PAXIP1: variants seen among roughly 807,000 people sequenced by gnomAD.
PAXIP1 encodes PAX-interacting protein 1.
PAXIP1 carries 19 observed loss-of-function variants against 140.6 expected under a neutral mutation model. The observed-to-expected ratio is 0.14, with a 90% CI of 0.09 to 0.20. PAXIP1 has a LOEUF of 0.20. Ranked by LOEUF, PAXIP1 falls within the 10% of genes least tolerant of loss-of-function variation. The pLI is 1.00. For missense variants in PAXIP1, 920 were observed against 1,208.6 expected (o/e 0.76, Z 3.54); for synonymous variants, 442 against 444.6 (o/e 0.99, Z 0.07).
intron 8 of PAXIP1, among the ~76,000 whole-genome samples, chr7:154,966,996 TA>T (rs1809054975): frequency 1.3e-5 from 2 of 152,222 alleles, no homozygotes; most frequent in African/African-American, 4.8e-5. Flanking sequence ...CTACTCATCC[TA>T]TAAGCAGTTC....
Position 154,961,650 on chromosome 7 carries a change from TAAGAAAAAAA to T in PAXIP1, c.2128-12_2128-3del. ...AACAAATCCAGTCACAGAAATAATC[TAAGAAAAAAA>T]GAGAAAATAAGGTAAACACAAAATA... On this transcript the variant is annotated splice_polypyrimidine_tract_variant and splice_region_variant and intron_variant, in intron 10 of 20. Coordinates refer to ENST00000404141, the MANE Select transcript of PAXIP1 (RefSeq NM_007349.4). 6.3e-7 allele frequency: 1 copy of T among 1,578,638 alleles called. No individual in the cohort carries two copies. The highest frequency in any genetic ancestry group is 8.6e-7 in the Non-Finnish European group (1 of 1,164,226).
At chr7:154,955,706 G>T in intron 14 of PAXIP1, 75 bp from the exon 15 acceptor site, 4 of 801,274 alleles carry the variant, frequency 5.0e-6, no homozygotes, top group South Asian at 4.2e-5. Flanking sequence ...AGAAAACAAG[G>T]GATTTCATTA....
At chr7:154,962,820 A>G (rs1396487302) in intron 9 of PAXIP1, 1 of 163,776 alleles carries the variant, frequency 6.1e-6, no homozygotes, top group Non-Finnish European at 1.3e-5. Flanking sequence ...TCCACCTAAG[A>G]TGAACCACAG....
chr7:154,980,858 G>A (rs2150771649), intron 5 of PAXIP1, among the ~76,000 whole-genome samples: 1 of 152,298 alleles, frequency 6.6e-6, no homozygotes, highest in East Asian at 1.9e-4. Context: ...AGGGCTGGGA[G>A]TGGTTCTCAC....
At position 154,946,354 on chromosome 7, in the gene PAXIP1, G is replaced by T; in HGVS notation, c.3194+11C>A. 6.2e-7 allele frequency: 1 copy of T among 1,613,780 alleles called. No homozygotes were observed. The highest frequency in any genetic ancestry group is 8.5e-7 in the Non-Finnish European group (1 of 1,179,778). The stretch of plus-strand genomic sequence containing the variant: ...CCCGTCTACTTTTTAATTCTCTTTT[G>T]GAAAGGATATGATTCATAGTCCAGC... On this transcript the variant is annotated intron_variant, in intron 20 of 20. Transcript: ENST00000404141. The surrounding 1 kb of genome is among the most constrained non-coding windows in gnomAD (Gnocchi z 4.9).
intron 13 of PAXIP1, among the ~76,000 whole-genome samples, chr7:154,958,441 T>C (rs1808624352): frequency 6.6e-6 from 1 of 152,238 alleles, no homozygotes; most frequent in Admixed American, 6.5e-5. Flanking sequence ...TTTCTAAATA[T>C]TGCTGCCATA....
intron 20 of PAXIP1, chr7:154,945,595 C>T: frequency 1.0e-6 from 1 of 981,710 alleles, no homozygotes; most frequent in Non-Finnish European, 1.2e-6. Flanking sequence ...TCAGAGGTGG[C>T]AGAGGCTCCC....
chr7:154,987,753 AG>A (rs373446644), intron 4 of PAXIP1, among the ~76,000 whole-genome samples: 79 of 152,310 alleles, frequency 5.2e-4, no homozygotes, highest in African/African-American at 1.9e-3. Flanking sequence ...GATCTGGCAC[AG>A]GGAGGTATAC....
At chr7:154,995,647 C>T (rs306280) in intron 2 of PAXIP1, among the ~76,000 whole-genome samples, 150,801 of 152,320 alleles carry the variant, frequency 0.99, 74,672 homozygotes, top group Middle Eastern at 1. Flanking sequence ...GTGACAGGTT[C>T]GAGACCAGCC....
chr7:154,946,696 C>T lies in PAXIP1; in HGVS notation c.3040G>A (p.Glu1014Lys), dbSNP rs770407366. The T allele has an allele frequency of 6.2e-7, 1 of 1,613,726 alleles. No homozygotes were observed. The highest frequency in any genetic ancestry group is 1.3e-5 in the African/African-American group (1 of 74,946). ...SKQPSFRKLM[E>K]HKQNSSLSEI... ...CTACCCACCGAGTTCTGCTTGTGCT[C>T]CATGAGCTTCCGGAAAGATGGCTGC... The change falls in exon 18 of 21, where the codon GAG becomes AAG. Residue 1014 changes from glutamate (E) to lysine (K), a missense_variant. By Grantham distance (56) the Glu-to-Lys change is moderately conservative. Around this residue, in one of 5 missense-constraint regions of PAXIP1, gnomAD observed 303 missense variants for 517.9 expected, o/e 0.59. Transcript: ENST00000404141. This position sits in a 1 kb window ranked among gnomAD's most constrained non-coding sequence, Gnocchi z 4.9.
intron 16 of PAXIP1, chr7:154,950,225 A>G (rs910409936): frequency 1.3e-5 from 2 of 152,360 alleles, no homozygotes; most frequent in East Asian, 3.9e-4. Flanking sequence ...CTGCACATCC[A>G]TATGCAATAA....
intron 6 of PAXIP1, among the ~76,000 whole-genome samples, chr7:154,970,919 G>A (rs1809283693): frequency 6.6e-6 from 1 of 152,224 alleles, no homozygotes; most frequent in Non-Finnish European, 1.5e-5. Context: ...AACTCTGAGG[G>A]ATGGTAAAGA....
intron 13 of PAXIP1, among the ~76,000 whole-genome samples, chr7:154,958,767 T>C (rs1808638220): frequency 6.6e-6 from 1 of 150,974 alleles, no homozygotes; most frequent in Non-Finnish European, 1.5e-5. Flanking sequence ...TTGGGGCCCC[T>C]GACAACTTTA....
rs1375136641 is a variant in PAXIP1, at chr7:154,954,294, C to G, written c.2782G>C (p.Glu928Gln). Residue 928 changes from glutamate (E) to glutamine (Q), a missense_variant, in exon 16 of 21, where the codon GAG (glutamate) becomes CAG (glutamine). Glu to Gln is a conservative substitution (Grantham distance 29). This residue lies in a region of PAXIP1 where 303 missense variants were observed against 517.9 expected (regional missense o/e 0.59). Transcript: ENST00000404141. The surrounding 1 kb of genome is among the most constrained non-coding windows in gnomAD (Gnocchi z 5.1). ...ISVVKHIVTP[E>Q]WLEECFRCQK... ...CACCTGAAGCATTCTTCCAGCCACT[C>G]TGGCGTCACTATGTGCTTCACGACA... The G allele has an allele frequency of 1.4e-5, 22 of 1,592,330 alleles. No individual in the cohort carries two copies. Among genetic ancestry groups the G allele is most frequent in the Non-Finnish European group, 1.9e-5 (22 of 1,164,560 alleles).
At chr7:154,974,146 C>A (rs1377044232) in intron 6 of PAXIP1, 1 of 152,302 alleles carries the variant, frequency 6.6e-6, no homozygotes, top group African/African-American at 2.4e-5. Flanking sequence ...AACTTAGGTT[C>A]TTCAAACCTG....
At chr7:154,957,097 C>G (rs1348009383) in intron 14 of PAXIP1, 127 bp downstream of exon 14, 1 of 550,312 alleles carries the variant, frequency 1.8e-6, no homozygotes, top group Non-Finnish European at 3.3e-6. Flanking sequence ...AGTTGTAAAG[C>G]AAAAAGCAAA....
chr7:154,975,616 C>T, intron 6 of PAXIP1, 80 bp downstream of exon 6: 1 of 1,028,336 alleles, frequency 9.7e-7, no homozygotes. Flanking sequence ...AAAGCAAAAC[C>T]AATAAACTAC....
At position 154,955,622 on chromosome 7, in the gene PAXIP1, G is replaced by A. The variant is rs372287039; in HGVS notation, c.2559C>T (p.Asp853=). The change falls in exon 15 of 21, where the codon GAC becomes GAT. Residue 853 remains aspartate, a synonymous_variant. Coordinates refer to ENST00000404141, the MANE Select transcript of PAXIP1 (RefSeq NM_007349.4). The part of the protein sequence containing the change: ...QPSSKRARIE[D]VPPPTKKLTP... ...TTAGCTTTTTAGTGGGAGGTGGTAC[G>A]TCTTCAATTCTGTGGAAGAAATACA... 2.4e-5 allele frequency: 38 copies of A among 1,567,626 alleles called. No homozygotes were observed. The highest frequency in any genetic ancestry group is 4.7e-5 in the South Asian group (4 of 85,098).
Position 154,976,026 on chromosome 7 carries a change from C to T in PAXIP1, c.744G>A (p.Met248Ile). 2.5e-6 allele frequency: 4 copies of T among 1,611,276 alleles called. No individual in the cohort carries two copies. The highest frequency in any genetic ancestry group is 1.3e-5 in the African/African-American group (1 of 75,034). The change falls in exon 6 of 21, where the codon ATG (methionine) becomes ATA (isoleucine). Residue 248 changes from methionine to isoleucine, a missense_variant. Physicochemically the swap from Met to Ile is conservative, Grantham distance 10 (BLOSUM62 1). Around this residue, in one of 5 missense-constraint regions of PAXIP1, gnomAD observed 419 missense variants for 514.7 expected, o/e 0.81. Transcript: ENST00000404141. ...SNTEKSKGEL[M>I]FDDSSDSSPE... is the part of the protein sequence containing the mutation. Reference sequence around the variant, plus strand: ...GTGATGAATCTGAAGAATCATCAAACATTAATTCCCCTTTAGATTTTTCAG... The same window carrying T: ...GTGATGAATCTGAAGAATCATCAAATATTAATTCCCCTTTAGATTTTTCAG...
Sources: gnomAD v4.1 joint callset for allele counts (sites outside exome capture counted in the v4.1 genomes callset) on GRCh38, gnomAD v4.1.1 for gene constraint, gnomAD v4.1.1 regional missense constraint, Gnocchi (gnomAD v3.1) non-coding constraint, MANE v1.5 for transcripts, NCBI Gene and HGNC (gene_info 2026-07-23, HGNC 2026-07-21) for gene names.